Variants in CDH4 observed in about 807,000 individuals in gnomAD.
CDH4 encodes cadherin-4.
Under a neutral mutation model 86.0 loss-of-function variants are expected in CDH4, and 33 were observed. The observed-to-expected ratio is 0.38, with a 90% CI of 0.29 to 0.51. The LOEUF is 0.51. CDH4 is among the 20% of genes least tolerant of loss of function. The pLI is 0.86. For synonymous variants in CDH4, 555 were observed against 549.4 expected, an observed-to-expected ratio of 1.01 and a Z score of -0.14; for missense variants, 1,114 against 1,307.4, an observed-to-expected ratio of 0.85 and a Z score of 2.28.
chr20:61,551,414 G>A (rs1410069551), intron 2 of CDH4, among the ~76,000 whole-genome samples: 1 of 152,142 alleles, frequency 6.6e-6, no homozygotes, highest in Non-Finnish European at 1.5e-5. Context: ...CATAAAATGA[G>A]TTCAATGTGT....
At chr20:61,925,498 C>G (rs1910680202) in intron 11 of CDH4, among the ~76,000 whole-genome samples, 1 of 152,216 alleles carries the variant, frequency 6.6e-6, no homozygotes, top group South Asian at 2.1e-4. Context: ...TGGCTCAGAG[C>G]AGCATGGGCT....
At position 61,416,434 on chromosome 20, in the gene CDH4, C is replaced by G. The variant is rs1375495430; in HGVS notation, c.169+161497C>G. ...CGCAATTTACATTCCCACAGCAGTT[C>G]CCAAGGTTCCAGTTTCTCTGCATCT... On this transcript the variant is annotated intron_variant, in intron 2 of 15. Transcript: ENST00000614565. 2.6e-5 allele frequency among the ~76,000 whole-genome samples: 4 copies of G among 152,320 alleles called. No individual in the cohort carries two copies. In the East Asian group the frequency reaches 7.7e-4, roughly 29 times the overall value.
rs1237831929 is a variant in CDH4 at position 61,417,352 on chromosome 20, T to C, written c.169+162415T>C. ...TCTCTCTCCCCTCACCCCTAGCCCC[T>C]CTCTCTCCTCCCTCTCCCTGTTACC... is the stretch of plus-strand genomic sequence containing the variant. On this transcript the variant is annotated intron_variant, in intron 2 of 15. Transcript: ENST00000614565. This position sits in a 1 kb window ranked among gnomAD's most constrained non-coding sequence, Gnocchi z 4.0. Among the ~76,000 whole-genome samples the C allele has an allele frequency of 1.4e-5, 2 of 147,786 alleles. No homozygotes were observed. Among genetic ancestry groups the C allele is most frequent in the East Asian group, 2.2e-4 (1 of 4,640 alleles).
intron 4 of CDH4, among the ~76,000 whole-genome samples, chr20:61,777,691 C>T (rs1207672105): frequency 6.9e-6 from 1 of 144,788 alleles, no homozygotes; most frequent in Non-Finnish European, 1.5e-5. Context: ...CGCGCACACA[C>T]GTGCATACAA....
At chr20:61,792,954 G>GT (rs574668671) in intron 4 of CDH4, among the ~76,000 whole-genome samples, 385 of 127,362 alleles carry the variant, frequency 3.0e-3, no homozygotes, top group South Asian at 9.6e-3. Flanking sequence ...TGGCCTATGT[G>GT]TTTTTTTTGT....
intron 2 of CDH4, among the ~76,000 whole-genome samples, chr20:61,511,131 G>T (rs1036977292): frequency 5.9e-5 from 9 of 152,182 alleles, no homozygotes; most frequent in Non-Finnish European, 1.0e-4. Flanking sequence ...ATTTGCTGGG[G>T]GCAAATATCC....
chr20:61,668,922 C>T (rs1303483350), intron 2 of CDH4, among the ~76,000 whole-genome samples: 1 of 152,234 alleles, frequency 6.6e-6, no homozygotes, highest in Non-Finnish European at 1.5e-5. Flanking sequence ...CTCATCAGAG[C>T]ACCGTCCGCC....
intron 2 of CDH4, among the ~76,000 whole-genome samples, chr20:61,338,179 T>C (rs2084629757): frequency 6.6e-6 from 1 of 152,124 alleles, no homozygotes; most frequent in African/African-American, 2.4e-5. Context: ...TATTAGACAA[T>C]GCATAGCTTC....
Position 61,725,133 on chromosome 20 carries a change from A to G in CDH4, c.170-18430A>G, listed in dbSNP as rs965323029. ...TCTCTAAAAAATAAAAAGTAAATTT[A>G]AAAAGGTGGAGGAGTGAAGAGGAGC... On this transcript the variant is annotated intron_variant, in intron 2 of 15. Coordinates refer to ENST00000614565, the MANE Select transcript of CDH4 (RefSeq NM_001794.5). Among the ~76,000 whole-genome samples the G allele has an allele frequency of 3.3e-5, 5 of 152,186 alleles. No homozygotes were observed. The East Asian group carries it at 9.6e-4, about 29-fold the overall frequency.
chr20:61,448,596 C>T lies in CDH4; in HGVS notation c.169+193659C>T, dbSNP rs6121928. Reference sequence around the variant, plus strand: ...AGGACAAAGCGGACTCTGATTTAGTCGGCTCTGTGCTGTGATAGGAGCAAG... The same window carrying T: ...AGGACAAAGCGGACTCTGATTTAGTTGGCTCTGTGCTGTGATAGGAGCAAG... On this transcript the variant is annotated intron_variant, in intron 2 of 15. Coordinates refer to ENST00000614565, the MANE Select transcript of CDH4 (RefSeq NM_001794.5). Among the ~76,000 whole-genome samples the T allele has an allele frequency of 1.1e-3, 169 of 152,214 alleles. 2 individuals carry two copies. In the East Asian group the frequency reaches 0.028, roughly 25 times the overall value.
At chr20:61,485,653 T>C (rs2085592115) in intron 2 of CDH4, among the ~76,000 whole-genome samples, 1 of 152,190 alleles carries the variant, frequency 6.6e-6, no homozygotes, top group African/African-American at 2.4e-5. Flanking sequence ...TGGTTCTCCA[T>C]GGCGATGATG....
Position 61,392,939 on chromosome 20 carries a change from C to A in CDH4, c.169+138002C>A, listed in dbSNP as rs1160563156. On this transcript the variant is annotated intron_variant, in intron 2 of 15. Coordinates refer to ENST00000614565, the MANE Select transcript of CDH4 (RefSeq NM_001794.5). The surrounding 1 kb of genome is among the most constrained non-coding windows in gnomAD (Gnocchi z 5.7). Reference sequence around the variant, plus strand: ...TCAGGGAAGGAGGTGCAGATACTCACCCCGATACCCACCAAGGGCAGCCGA... The same window carrying A: ...TCAGGGAAGGAGGTGCAGATACTCAACCCGATACCCACCAAGGGCAGCCGA... Among the ~76,000 whole-genome samples, 1 of 152,116 alleles carries A rather than the reference C, an allele frequency of 6.6e-6. No homozygotes were observed. The highest frequency in any genetic ancestry group is 1.5e-5 in the Non-Finnish European group (1 of 68,038).
intron 2 of CDH4, among the ~76,000 whole-genome samples, chr20:61,534,439 C>T (rs1230590353): frequency 6.6e-6 from 1 of 152,122 alleles, no homozygotes; most frequent in Admixed American, 6.5e-5. Flanking sequence ...ATATTTAATA[C>T]ACTTTTTTAA....
At chr20:61,578,724 C>A (rs1283020300) in intron 2 of CDH4, among the ~76,000 whole-genome samples, 2 of 152,184 alleles carry the variant, frequency 1.3e-5, no homozygotes, top group Non-Finnish European at 2.9e-5. Flanking sequence ...TGACACCAAA[C>A]AAAACCCCCA....
intron 2 of CDH4, among the ~76,000 whole-genome samples, chr20:61,645,802 G>A (rs2087055785): frequency 6.6e-6 from 1 of 152,152 alleles, no homozygotes; most frequent in South Asian, 2.1e-4. Context: ...ACAGAGTGGT[G>A]AGGTAGTTTG....
intron 4 of CDH4, among the ~76,000 whole-genome samples, chr20:61,820,081 C>T (rs1356312083): frequency 2.0e-5 from 3 of 152,208 alleles, no homozygotes; most frequent in Admixed American, 6.5e-5. Flanking sequence ...GCTTCAGACT[C>T]GGGGGGTCCT....
chr20:61,488,025 T>G (rs561449115), intron 2 of CDH4, among the ~76,000 whole-genome samples: 1 of 152,232 alleles, frequency 6.6e-6, no homozygotes. Flanking sequence ...CAATCGATGA[T>G]TCTGTGGGAG....
intron 2 of CDH4, among the ~76,000 whole-genome samples, chr20:61,295,648 T>A (rs1446589168): frequency 6.6e-6 from 1 of 152,028 alleles, no homozygotes; most frequent in Admixed American, 6.5e-5. Context: ...GAAACAGAGG[T>A]TGTAGAATGT....
intron 2 of CDH4, among the ~76,000 whole-genome samples, chr20:61,626,969 C>T (rs554903200): frequency 4.0e-4 from 61 of 152,212 alleles, no homozygotes; most frequent in African/African-American, 1.4e-3. Flanking sequence ...TGTAGGAGGG[C>T]GGACCCTACC....
Sources: gnomAD v4.1 joint callset for allele counts (sites outside exome capture counted in the v4.1 genomes callset) on GRCh38, gnomAD v4.1.1 for gene constraint, Gnocchi (gnomAD v3.1) non-coding constraint, MANE v1.5 for transcripts, NCBI Gene and HGNC (gene_info 2026-07-23, HGNC 2026-07-21) for gene names.